The following GNB5 variants were observed in gnomAD, a reference collection of about 807,000 sequenced individuals.
GNB5 encodes guanine nucleotide-binding protein subunit beta-5.
In GNB5, 37 loss-of-function variants were observed where a neutral mutation model predicts 55.3. That is an observed-to-expected ratio of 0.67 (90% CI 0.51 to 0.88). The LOEUF (loss-of-function observed/expected upper bound fraction) is 0.88, where lower values mean the gene tolerates loss of function less well. Among genes scored for constraint, GNB5 ranks in the 40% least tolerant of loss-of-function variants. GNB5 has a pLI of 0.00. For synonymous variants in GNB5, 219 were observed against 198.5 expected, an observed-to-expected ratio of 1.10 and a Z score of -0.87; for missense variants, 476 against 515.3, an observed-to-expected ratio of 0.92 and a Z score of 0.74.
chr15:52,146,754 T>C (rs2033985124), intron 6 of GNB5, among the ~76,000 whole-genome samples: 1 of 150,778 alleles, frequency 6.6e-6, no homozygotes, highest in African/African-American at 2.4e-5. Context: ...TTTTTTTTTT[T>C]TTTTCTGTAG....
intron 6 of GNB5, among the ~76,000 whole-genome samples, chr15:52,146,354 C>T (rs1566939369): frequency 6.6e-6 from 1 of 152,140 alleles, no homozygotes; most frequent in Non-Finnish European, 1.5e-5. Context: ...GGAATTATGT[C>T]GGTTTCAGTT....
chr15:52,179,720 T>C, intron 3 of GNB5, 48 bp downstream of exon 3: 1 of 1,096,620 alleles, frequency 9.1e-7, no homozygotes. Flanking sequence ...GCCCGGGAAG[T>C]GGCGAGCCGG....
intron 7 of GNB5, chr15:52,139,793 A>G: frequency 8.1e-7 from 1 of 1,230,602 alleles, no homozygotes; most frequent in South Asian, 1.3e-5. Context: ...TGCTTGTTGG[A>G]AAAGAAAGCA....
chr15:52,179,908 A>AGCGGAGAGCGGGAATGCGCTGAGCC, intron 2 of GNB5, 29 bp from the exon 3 acceptor site: 4 of 1,493,840 alleles, frequency 2.7e-6, no homozygotes, highest in Non-Finnish European at 3.6e-6. Flanking sequence ...CGGAGAGGGA[A>AGCGGAGAGCGGGAATGCGCTGAGCC]GCGGAGAGCG....
At chr15:52,187,021 CA>C (rs962520985) in intron 1 of GNB5, among the ~76,000 whole-genome samples, 2 of 152,184 alleles carry the variant, frequency 1.3e-5, no homozygotes. Context: ...TGAGGAAAAG[CA>C]GGGGGATTAA....
At chr15:52,177,695 C>T (rs986843731) in intron 3 of GNB5, among the ~76,000 whole-genome samples, 2 of 151,682 alleles carry the variant, frequency 1.3e-5, no homozygotes, top group Non-Finnish European at 2.9e-5. Flanking sequence ...ATGAGAGAAC[C>T]TGGCTGGGAG....
At chr15:52,179,346 AC>A (rs759146725) in intron 3 of GNB5, among the ~76,000 whole-genome samples, 1 of 152,086 alleles carries the variant, frequency 6.6e-6, no homozygotes, top group Non-Finnish European at 1.5e-5. Context: ...AGAAAGCCAG[AC>A]GGGCATTAAA....
chr15:52,140,581 C>A (rs1347938874), intron 7 of GNB5, among the ~76,000 whole-genome samples: 1 of 152,208 alleles, frequency 6.6e-6, no homozygotes, highest in East Asian at 1.9e-4. Flanking sequence ...GTAGTAGGTA[C>A]TGAGAAGGTT....
At chr15:52,137,359 T>C (rs543601236) in intron 7 of GNB5, 91 of 1,042,164 alleles carry the variant, frequency 8.7e-5, no homozygotes, top group Admixed American at 3.0e-4. Flanking sequence ...CAAGGAAGAG[T>C]GAGAGCTGGC....
intron 3 of GNB5, among the ~76,000 whole-genome samples, chr15:52,174,902 C>A (rs1385101986): frequency 6.6e-6 from 1 of 151,970 alleles, no homozygotes; most frequent in Non-Finnish European, 1.5e-5. Flanking sequence ...GCCAACATAG[C>A]AAAACCCCAT....
chr15:52,128,537 T>C (rs978325876), intron 9 of GNB5: 3 of 593,430 alleles, frequency 5.1e-6, no homozygotes, highest in Admixed American at 4.4e-5. Flanking sequence ...ACATATCTAA[T>C]TCCTAAGACT....
At chr15:52,174,500 G>C (rs2034611923) in intron 3 of GNB5, among the ~76,000 whole-genome samples, 1 of 152,186 alleles carries the variant, frequency 6.6e-6, no homozygotes, top group Non-Finnish European at 1.5e-5. Context: ...TTTGATGTGA[G>C]CTGGCTTCCC....
At chr15:52,141,109 G>T in intron 7 of GNB5, 31 bp downstream of exon 7, 1 of 1,611,146 alleles carries the variant, frequency 6.2e-7, no homozygotes, top group Non-Finnish European at 8.5e-7. Flanking sequence ...TCCTTGGCAG[G>T]TCAACCTGAC....
intron 9 of GNB5, among the ~76,000 whole-genome samples, chr15:52,131,963 A>C (rs2033589570): frequency 6.6e-6 from 1 of 152,202 alleles, no homozygotes; most frequent in Non-Finnish European, 1.5e-5. Flanking sequence ...ATTAGCCCCC[A>C]AAAGAACTCC....
chr15:52,137,852 A>AC, intron 7 of GNB5: 1 of 1,286,464 alleles, frequency 7.8e-7, no homozygotes, highest in Non-Finnish European at 1.0e-6. Flanking sequence ...TGGCTGCTCC[A>AC]CAGGGCCTGG....
Position 52,124,654 on chromosome 15 carries a change from A to C in GNB5, c.1010-15T>G, listed in dbSNP as rs1267374557. The C allele has an allele frequency of 1.2e-6, 2 of 1,610,252 alleles. No homozygotes were observed. Among genetic ancestry groups the C allele is most frequent in the East Asian group, 4.5e-5 (2 of 44,868 alleles). Reference sequence around the variant, plus strand: ...CAGCAGGCGACCTTGAAGCAGGGTGAGATGATAGCTGTTAAGCCAGTTCCT... The same window carrying C: ...CAGCAGGCGACCTTGAAGCAGGGTGCGATGATAGCTGTTAAGCCAGTTCCT... On this transcript the variant is annotated splice_polypyrimidine_tract_variant and intron_variant, in intron 11 of 12. Transcript: ENST00000261837.
At position 52,141,369 on chromosome 15, in the gene GNB5, A is replaced by T. The variant is rs1384546176; in HGVS notation, c.495-97T>A. 3 of 1,011,776 alleles carry T rather than the reference A, an allele frequency of 3.0e-6. No individual in the cohort carries two copies. The African/African-American group carries it at 4.8e-5, about 16-fold the overall frequency. 62.7% of individuals were successfully genotyped at this position (1,011,776 alleles called of 1,614,324 possible). A position where few individuals can be genotyped will look rare whatever the true frequency, so the allele number is the denominator to read the frequency against. On this transcript the variant is annotated intron_variant, in intron 6 of 12. Coordinates refer to ENST00000261837, the MANE Select transcript of GNB5 (RefSeq NM_016194.4). ...ATGAACTTTTCAACATATTCTCTTTAGCAGTATCATATATTGTACCCTTTC... is the reference window on the plus strand; with the variant it reads ...ATGAACTTTTCAACATATTCTCTTTTGCAGTATCATATATTGTACCCTTTC...
At position 52,164,308 on chromosome 15, in the gene GNB5, T is replaced by TAA. The variant is rs56029917; in HGVS notation, c.239-10234_239-10233dup. Among the ~76,000 whole-genome samples the TAA allele has an allele frequency of 7.9e-3, 400 of 50,408 alleles. 18 individuals are homozygous for TAA. Among genetic ancestry groups the TAA allele is most frequent in the African/African-American group, 0.026 (383 of 14,738 alleles). The allele number at this position is 50,408 out of a possible 152,430, so 33.1% of individuals were successfully genotyped here. On this transcript the variant is annotated intron_variant, in intron 3 of 12. Coordinates refer to ENST00000261837, the MANE Select transcript of GNB5 (RefSeq NM_016194.4). ...GGGAGACAACAGCAAGACTCTGTCT[T>TAA]AAAAAAAAAAAAAAAAAAAAAAAAA...
rs2033130933 is a variant in GNB5, at chr15:52,115,564, A to G, written c.*7193T>C. 1 of 152,264 alleles carries G rather than the reference A, an allele frequency of 6.6e-6. No individual in the cohort carries two copies. The highest frequency in any genetic ancestry group is 1.5e-5 in the Non-Finnish European group (1 of 68,044). The allele number at this position is 152,264 out of a possible 1,614,324, so 9.4% of individuals were successfully genotyped here. On this transcript the variant is annotated 3_prime_UTR_variant, in exon 13 of 13. Coordinates refer to ENST00000261837, the MANE Select transcript of GNB5 (RefSeq NM_016194.4). ...TTTGTAAATGGTAAATCCTCTGGCA[A>G]CGGTGACTATGCTCACTTGCCCCAT... is the stretch of plus-strand genomic sequence containing the variant.
Sources: gnomAD v4.1 joint callset for allele counts (sites outside exome capture counted in the v4.1 genomes callset) on GRCh38, gnomAD v4.1.1 for gene constraint, MANE v1.5 for transcripts, NCBI Gene and HGNC (gene_info 2026-07-23, HGNC 2026-07-21) for gene names.